CARNMT1: variants seen among roughly 807,000 people sequenced by gnomAD.
CARNMT1 encodes the protein carnosine N-methyltransferase 1.
Under a neutral mutation model 49.6 loss-of-function variants are expected in CARNMT1, and 28 were observed. The observed-to-expected ratio is 0.56, with a 90% CI of 0.42 to 0.77. The LOEUF (loss-of-function observed/expected upper bound fraction) is 0.77. CARNMT1 is among the 30% of genes least tolerant of loss of function. CARNMT1 has a pLI of 0.00. For missense variants in CARNMT1, 421 were observed against 512.6 expected (o/e 0.82, Z 1.73); for synonymous variants, 178 against 175.0 (o/e 1.02, Z -0.13).
chr9:75,016,467 G>A, intron 2 of CARNMT1, 36 bp from the exon 3 acceptor site: 1 of 1,601,492 alleles, frequency 6.2e-7, no homozygotes, highest in African/African-American at 1.3e-5. Flanking sequence ...GCTTCTGAGA[G>A]AGTAATCCAC....
At chr9:74,998,856 G>A in intron 4 of CARNMT1, 80 bp from the exon 5 acceptor site, 1 of 781,010 alleles carries the variant, frequency 1.3e-6, no homozygotes, top group Non-Finnish European at 1.9e-6. Flanking sequence ...AAAATATACT[G>A]TTTAATTGAA....
intron 3 of CARNMT1, among the ~76,000 whole-genome samples, chr9:75,001,099 C>T (rs1195367302): frequency 5.9e-5 from 9 of 152,090 alleles, no homozygotes; most frequent in Admixed American, 5.9e-4. Flanking sequence ...ACCCTTACCC[C>T]AGCAAGTGGC....
At chr9:75,017,047 A>G in intron 2 of CARNMT1, 1 of 514,072 alleles carries the variant, frequency 1.9e-6, no homozygotes, top group Non-Finnish European at 3.4e-6. Flanking sequence ...CAACAGTTAT[A>G]TTAGTACTTA....
intron 3 of CARNMT1, among the ~76,000 whole-genome samples, chr9:75,006,725 T>C (rs1028017451): frequency 9.2e-5 from 14 of 152,208 alleles, no homozygotes; most frequent in African/African-American, 3.1e-4. Context: ...TCCTGCAAAA[T>C]GTTTTAGTTA....
Position 74,999,810 on chromosome 9 carries a change from TTC to T in CARNMT1, c.649_650del (p.Glu217AsnfsTer12). On this transcript the variant is annotated frameshift_variant, in exon 4 of 8. Coordinates refer to ENST00000376834, the MANE Select transcript of CARNMT1 (RefSeq NM_152420.3). LOFTEE classifies it high-confidence loss of function. ...GACAAGCATAACCTAGCATAGCTATTTCCCAGGCCAGTCTTCCTAGTCCAGCA... is the reference window on the plus strand; with the variant it reads ...GACAAGCATAACCTAGCATAGCTATTCCAGGCCAGTCTTCCTAGTCCAGCA... ...PGAGLGRLAW[E>X]IAMLGYACQG... is the part of the protein sequence containing the mutation. The T allele has an allele frequency of 6.2e-7, 1 of 1,612,836 alleles. No homozygotes were observed. Among genetic ancestry groups the T allele is most frequent in the Non-Finnish European group, 8.5e-7 (1 of 1,179,260 alleles).
chr9:75,008,168 TAAAAAAAAAAAAAA>T (rs71368697), intron 3 of CARNMT1, among the ~76,000 whole-genome samples: 4 of 48,714 alleles, frequency 8.2e-5, no homozygotes, highest in South Asian at 1.9e-3. Flanking sequence ...GCTGATGAGC[TAAAAAAAAAAAAAA>T]AAAAAAAAAA....
intron 7 of CARNMT1, 121 bp downstream of exon 7, chr9:74,984,786 T>C (rs955447423): frequency 1.2e-5 from 8 of 656,358 alleles, no homozygotes; most frequent in Non-Finnish European, 1.9e-5. Context: ...CAACCTGTAT[T>C]ATCTTCCCTT....
intron 3 of CARNMT1, among the ~76,000 whole-genome samples, chr9:75,005,599 A>G (rs1400867925): frequency 6.6e-6 from 1 of 151,142 alleles, no homozygotes; most frequent in Non-Finnish European, 1.5e-5. Flanking sequence ...CAGCCTCCTG[A>G]GTAGCTGGGA....
At chr9:75,023,181 A>C (rs1225496676) in intron 1 of CARNMT1, among the ~76,000 whole-genome samples, 1 of 151,878 alleles carries the variant, frequency 6.6e-6, no homozygotes, top group Non-Finnish European at 1.5e-5. Context: ...GTCATCCTAA[A>C]TGCCTCTTCT....
chr9:75,026,238 A>C (rs946858675), intron 1 of CARNMT1, among the ~76,000 whole-genome samples: 2 of 152,178 alleles, frequency 1.3e-5, no homozygotes, highest in Admixed American at 1.3e-4. Context: ...TAGAATATTC[A>C]CACAAGATCT....
rs1832714519 is a variant in CARNMT1 at position 74,982,452 on chromosome 9, C to T, written c.*1315G>A. On this transcript the variant is annotated 3_prime_UTR_variant, in exon 8 of 8. Coordinates refer to ENST00000376834, the MANE Select transcript of CARNMT1 (RefSeq NM_152420.3). ...ATTAAAAAATACAAAGGAAAACTCC[C>T]TCCAATAAAGATCTGCTAGAGGTAG... 6.6e-6 allele frequency: 1 copy of T among 152,152 alleles called. No homozygotes were observed. Among genetic ancestry groups the T allele is most frequent in the Admixed American group, 6.5e-5 (1 of 15,272 alleles). 9.4% of individuals were successfully genotyped at this position (152,152 alleles called of 1,614,324 possible).
At chr9:75,006,985 CAT>C (rs1316167423) in intron 3 of CARNMT1, among the ~76,000 whole-genome samples, 1 of 152,100 alleles carries the variant, frequency 6.6e-6, no homozygotes, top group Admixed American at 6.6e-5. Context: ...TAAACAAAGT[CAT>C]GTTTTAAGTG....
intron 3 of CARNMT1, among the ~76,000 whole-genome samples, chr9:75,008,412 A>G (rs1833585659): frequency 6.6e-6 from 1 of 152,052 alleles, no homozygotes; most frequent in African/African-American, 2.4e-5. Flanking sequence ...GCTCACTGCA[A>G]CCTCTGCCTC....
Position 74,981,883 on chromosome 9 carries a change from G to A in CARNMT1, c.*1884C>T, listed in dbSNP as rs1384104141. The A allele has an allele frequency of 1.3e-5, 2 of 151,570 alleles. No homozygotes were observed. The highest frequency in any genetic ancestry group is 6.6e-5 in the Admixed American group (1 of 15,182). 9.4% of individuals were successfully genotyped at this position (151,570 alleles called of 1,614,324 possible). A position where few individuals can be genotyped will look rare whatever the true frequency, so the allele number is the denominator to read the frequency against. ...TAAAAAATACTTATGTACTTTGCAAGTTTTCTTCTTTTAAAACAATAATTT... is the reference window on the plus strand; with the variant it reads ...TAAAAAATACTTATGTACTTTGCAAATTTTCTTCTTTTAAAACAATAATTT... On this transcript the variant is annotated 3_prime_UTR_variant, in exon 8 of 8. Coordinates refer to ENST00000376834, the MANE Select transcript of CARNMT1 (RefSeq NM_152420.3).
At chr9:74,986,813 T>G (rs1832856757) in intron 6 of CARNMT1, among the ~76,000 whole-genome samples, 1 of 152,244 alleles carries the variant, frequency 6.6e-6, no homozygotes, top group South Asian at 2.1e-4. Context: ...CATTTAATGC[T>G]GTGTTGCATT....
At chr9:75,000,553 C>T (rs1054746110) in intron 3 of CARNMT1, among the ~76,000 whole-genome samples, 1 of 152,144 alleles carries the variant, frequency 6.6e-6, no homozygotes, top group Non-Finnish European at 1.5e-5. Context: ...CATCATTCCA[C>T]TTTCAAACCA....
intron 1 of CARNMT1, among the ~76,000 whole-genome samples, chr9:75,020,458 G>C (rs1822314288): frequency 6.6e-6 from 1 of 151,600 alleles, no homozygotes; most frequent in African/African-American, 2.4e-5. Context: ...AGTAGAGACG[G>C]GGTTTCACCA....
chr9:75,012,247 G>C (rs1408554853), intron 3 of CARNMT1, among the ~76,000 whole-genome samples: 1 of 150,112 alleles, frequency 6.7e-6, no homozygotes, highest in African/African-American at 2.4e-5. Flanking sequence ...TGTTGGGTCA[G>C]TTAAGAGCCC....
chr9:74,998,791 T>G lies in CARNMT1; in HGVS notation c.732-15A>C. On this transcript the variant is annotated splice_polypyrimidine_tract_variant and intron_variant, in intron 4 of 7. Coordinates refer to ENST00000376834, the MANE Select transcript of CARNMT1 (RefSeq NM_152420.3). ...TTTCAGAACATCTGCAAAATATGAG[T>G]ATAAAATCAGGTGTTAACTAAATAT... is the stretch of plus-strand genomic sequence containing the variant. 6.8e-7 allele frequency: 1 copy of G among 1,463,674 alleles called. No homozygotes were observed. Among genetic ancestry groups the G allele is most frequent in the Admixed American group, 2.2e-5 (1 of 44,682 alleles). 90.7% of individuals were successfully genotyped at this position (1,463,674 alleles called of 1,614,324 possible).
Sources: gnomAD v4.1 joint callset for allele counts (sites outside exome capture counted in the v4.1 genomes callset) on GRCh38, gnomAD v4.1.1 for gene constraint, MANE v1.5 for transcripts, NCBI Gene and HGNC (gene_info 2026-07-23, HGNC 2026-07-21) for gene names.